Variants in FMO4 observed in about 807,000 individuals in gnomAD.
FMO4 encodes the protein flavin containing dimethylaniline monoxygenase 4.
A neutral mutation model predicts 43.3 loss-of-function variants in FMO4; 38 were observed. The ratio of observed to expected loss-of-function variants is 0.88; its 90% CI spans 0.68 to 1.15. The LOEUF (loss-of-function observed/expected upper bound fraction) is 1.15. FMO4 is among the 50% of genes most tolerant of loss of function. FMO4 has a pLI of 0.00. For synonymous variants in FMO4, 224 were observed against 232.2 expected, an observed-to-expected ratio of 0.96 and a Z score of 0.32; for missense variants, 631 against 663.3, an observed-to-expected ratio of 0.95 and a Z score of 0.54.
rs5778697 is a variant in FMO4, at chr1:171,321,677, ATT to A, written c.133-1318_133-1317del. Among the ~76,000 whole-genome samples, 69 of 150,704 alleles carry A rather than the reference ATT, an allele frequency of 4.6e-4. 2 individuals carry two copies. In the East Asian group the frequency reaches 0.01, roughly 23 times the overall value. Reference sequence around the variant, plus strand: ...ACAGATACAGAGGGCCAGCTGTACTATTTTTTTTTTCAAAAATGTTATCATAA... The same window carrying A: ...ACAGATACAGAGGGCCAGCTGTACTATTTTTTTTCAAAAATGTTATCATAA... On this transcript the variant is annotated intron_variant, in intron 3 of 9. Coordinates refer to ENST00000367749, the MANE Select transcript of FMO4 (RefSeq NM_002022.3).
At position 171,324,121 on chromosome 1, in the gene FMO4, T is replaced by G; in HGVS notation, c.322-17T>G. 1 of 1,599,408 alleles carries G rather than the reference T, an allele frequency of 6.3e-7. No homozygotes were observed. The highest frequency in any genetic ancestry group is 1.3e-5 in the African/African-American group (1 of 74,610). ...AAGGGTGTTAGTGAGAAGTGAGTGT[T>G]TGTCTTTCACTTTTAGACCACTGTG... On this transcript the variant is annotated splice_polypyrimidine_tract_variant and intron_variant, in intron 4 of 9. Transcript: ENST00000367749.
At chr1:171,322,435 A>G (rs2101881681) in intron 3 of FMO4, among the ~76,000 whole-genome samples, 1 of 152,336 alleles carries the variant, frequency 6.6e-6, no homozygotes, top group African/African-American at 2.4e-5. Flanking sequence ...GGAGAGCCCT[A>G]TTTAATTTGG....
intron 4 of FMO4, 44 bp downstream of exon 4, chr1:171,323,236 C>A: frequency 1.6e-6 from 2 of 1,265,178 alleles, no homozygotes; most frequent in Non-Finnish European, 1.1e-6. Flanking sequence ...TGGGGGCTGG[C>A]CTATTCAGCA....
At chr1:171,334,796 G>A in intron 8 of FMO4, 33 bp downstream of exon 8, 1 of 1,328,664 alleles carries the variant, frequency 7.5e-7, no homozygotes, top group Non-Finnish European at 1.0e-6. Context: ...CCTCTCTTTG[G>A]ATCGTAAAAT....
Position 171,341,511 on chromosome 1 carries a change from T to C in FMO4, c.1349T>C (p.Leu450Pro), listed in dbSNP as rs1459168057. Reference sequence around the variant, plus strand: ...GGCACAAAGCCCAGCATCCCACTTCTGTTCCTCAAGGATCCCAGACTAGCT... The same window carrying C: ...GGCACAAAGCCCAGCATCCCACTTCCGTTCCTCAAGGATCCCAGACTAGCT... ...CIGTKPSIPLLFLKDPRLAWE... is the reference protein window; with the variant it reads ...CIGTKPSIPLPFLKDPRLAWE... Residue 450 changes from leucine (L) to proline (P), a missense_variant, in exon 10 of 10, where the codon CTG becomes CCG. Coordinates refer to ENST00000367749, the MANE Select transcript of FMO4 (RefSeq NM_002022.3). 2.5e-6 allele frequency: 4 copies of C among 1,614,080 alleles called. No individual in the cohort carries two copies. The highest frequency in any genetic ancestry group is 1.7e-6 in the Non-Finnish European group (2 of 1,179,970).
intron 5 of FMO4, among the ~76,000 whole-genome samples, chr1:171,325,067 T>G (rs1175719001): frequency 6.6e-6 from 1 of 152,090 alleles, no homozygotes; most frequent in Non-Finnish European, 1.5e-5. Context: ...AAAGATCACG[T>G]CACTGAACTT....
chr1:171,340,480 A>G (rs12737633), intron 9 of FMO4, among the ~76,000 whole-genome samples: 49,076 of 152,014 alleles, frequency 0.32, 7,982 homozygotes, highest in South Asian at 0.44. Flanking sequence ...GTCTATTGTC[A>G]TAGGGATCAA....
At chr1:171,321,851 G>A (rs773663352) in intron 3 of FMO4, among the ~76,000 whole-genome samples, 5 of 152,144 alleles carry the variant, frequency 3.3e-5, no homozygotes, top group Non-Finnish European at 5.9e-5. Context: ...GTGTCATCAA[G>A]TTCGTGGTAG....
Position 171,341,632 on chromosome 1 carries a change from G to A in FMO4, c.1470G>A (p.Trp490Ter). The A allele has an allele frequency of 6.2e-7, 1 of 1,613,858 alleles. No individual in the cohort carries two copies. The highest frequency in any genetic ancestry group is 1.1e-5 in the South Asian group (1 of 91,070). ...CCAGAAATGCCATCCTGACCCAGTG[G>A]GACAGAACATTGAAACCTTTAAAAA... is the stretch of plus-strand genomic sequence containing the variant. ...DGARNAILTQ[W>*]DRTLKPLKTR... Residue 490 changes from tryptophan to a stop codon, truncating the protein, a stop_gained, in exon 10 of 10, where the codon TGG (tryptophan) becomes TGA (stop). Coordinates refer to ENST00000367749, the MANE Select transcript of FMO4 (RefSeq NM_002022.3). LOFTEE classifies it low-confidence loss of function (END_TRUNC).
chr1:171,333,142 A>T, intron 7 of FMO4: 6 of 352,736 alleles, frequency 1.7e-5, no homozygotes, highest in Non-Finnish European at 3.1e-5. Context: ...AAAGATGAAA[A>T]CTTCCATTTC....
At chr1:171,339,278 A>T (rs985578994) in intron 9 of FMO4, among the ~76,000 whole-genome samples, 2 of 152,182 alleles carry the variant, frequency 1.3e-5, no homozygotes, top group Non-Finnish European at 2.9e-5. Flanking sequence ...CCAAGAACTG[A>T]AAACATTATT....
intron 5 of FMO4, among the ~76,000 whole-genome samples, chr1:171,328,164 C>G (rs956945025): frequency 3.3e-5 from 5 of 152,084 alleles, no homozygotes; most frequent in Admixed American, 6.5e-5. Context: ...TCTCAGCCTC[C>G]TGAGTAGCTG....
Position 171,341,556 on chromosome 1 carries a change from C to T in FMO4, c.1394C>T (p.Pro465Leu). The T allele has an allele frequency of 6.2e-7, 1 of 1,614,016 alleles. No homozygotes were observed. The highest frequency in any genetic ancestry group is 8.5e-7 in the Non-Finnish European group (1 of 1,179,968). Residue 465 changes from proline (P) to leucine (L), a missense_variant, in exon 10 of 10, where the codon CCA (proline) becomes CTA (leucine). Physicochemically the swap from Pro to Leu is moderately conservative, Grantham distance 98. Coordinates refer to ENST00000367749, the MANE Select transcript of FMO4 (RefSeq NM_002022.3). ...CTAGCTTGGGAAGTTTTCTTTGGACCATGTACTCCTTATCAGTACCGCCTC... is the reference window on the plus strand; with the variant it reads ...CTAGCTTGGGAAGTTTTCTTTGGACTATGTACTCCTTATCAGTACCGCCTC... The part of the protein sequence containing the change: ...PRLAWEVFFG[P>L]CTPYQYRLMG...
intron 9 of FMO4, among the ~76,000 whole-genome samples, chr1:171,338,228 C>T (rs187260321): frequency 7.2e-5 from 11 of 152,248 alleles, no homozygotes; most frequent in Admixed American, 7.2e-4. Flanking sequence ...AGACACTTCT[C>T]ACTGCCCCTA....
At position 171,323,075 on chromosome 1, in the gene FMO4, T is replaced by C; in HGVS notation, c.204T>C (p.Cys68=). The C allele has an allele frequency of 6.2e-7, 1 of 1,613,040 alleles. No homozygotes were observed. Among genetic ancestry groups the C allele is most frequent in the South Asian group, 1.1e-5 (1 of 91,066 alleles). ...CAAATGTCTGTAAGGAAATGTCATGTTACAGTGACTTCCCTTTCCACGAAG... is the reference window on the plus strand; with the variant it reads ...CAAATGTCTGTAAGGAAATGTCATGCTACAGTGACTTCCCTTTCCACGAAG... ...LVTNVCKEMS[C]YSDFPFHEDY... Residue 68 remains cysteine (C), a synonymous_variant, in exon 4 of 10, where the codon TGT becomes TGC. Transcript: ENST00000367749.
rs368144728 is a variant in FMO4, at chr1:171,324,181, C to T, written c.365C>T (p.Thr122Ile). 1.4e-5 allele frequency: 22 copies of T among 1,613,502 alleles called. No individual in the cohort carries two copies. The highest frequency in any genetic ancestry group is 5.0e-5 in the Admixed American group (3 of 59,898). Residue 122 changes from threonine (T) to isoleucine (I), a missense_variant, in exon 5 of 10, where the codon ACT (threonine) becomes ATT (isoleucine). Physicochemically the swap from Thr to Ile is moderately conservative, Grantham distance 89 (BLOSUM62 -1). Transcript: ENST00000367749. ...ACGAAGCGTCCAGACTTCTCCGAAA[C>T]TGGTCAGTGGGATGTTGTCACAGAG... ...SITKRPDFSE[T>I]GQWDVVTETE...
intron 5 of FMO4, among the ~76,000 whole-genome samples, chr1:171,327,969 T>A (rs1309029252): frequency 2.0e-5 from 3 of 152,200 alleles, no homozygotes; most frequent in African/African-American, 7.2e-5. Context: ...GGGACTAGCA[T>A]AGCAAGGGCT....
intron 1 of FMO4, among the ~76,000 whole-genome samples, chr1:171,315,973 G>C (rs934096408): frequency 6.6e-6 from 1 of 152,062 alleles, no homozygotes; most frequent in Admixed American, 6.6e-5. Context: ...GAGCAGTCAC[G>C]GTCTTTTTTA....
intron 3 of FMO4, among the ~76,000 whole-genome samples, chr1:171,322,741 T>C (rs1662484233): frequency 6.6e-6 from 1 of 152,004 alleles, no homozygotes; most frequent in Non-Finnish European, 1.5e-5. Flanking sequence ...TAATCCAAAC[T>C]ATTTGGGAGG....
Sources: gnomAD v4.1 joint callset for allele counts (sites outside exome capture counted in the v4.1 genomes callset) on GRCh38, gnomAD v4.1.1 for gene constraint, MANE v1.5 for transcripts, NCBI Gene and HGNC (gene_info 2026-07-23, HGNC 2026-07-21) for gene names.